SGSM1: variants seen among roughly 807,000 people sequenced by gnomAD.
SGSM1 encodes RUN and TBC1 domain containing 2.
SGSM1 carries 73 observed loss-of-function variants against 133.8 expected under a neutral mutation model. That is an observed-to-expected ratio of 0.55 (90% CI 0.45 to 0.66). SGSM1 has a LOEUF of 0.66. Among genes scored for constraint, SGSM1 ranks in the 30% least tolerant of loss-of-function variants. SGSM1 has a pLI of 0.00. For synonymous variants in SGSM1, 563 were observed against 573.0 expected, an observed-to-expected ratio of 0.98 and a Z score of 0.25; for missense variants, 1,213 against 1,448.1, an observed-to-expected ratio of 0.84 and a Z score of 2.64.
intron 24 of SGSM1, among the ~76,000 whole-genome samples, chr22:24,921,459 ATTTC>A (rs1934005850): frequency 6.6e-6 from 1 of 152,040 alleles, no homozygotes. Flanking sequence ...TTACTGAACC[ATTTC>A]TTATCATTAG....
chr22:24,874,587 C>T (rs1434119401), intron 12 of SGSM1: 4 of 1,584,498 alleles, frequency 2.5e-6, no homozygotes, highest in Non-Finnish European at 3.4e-6. Context: ...CCAGTAATGT[C>T]TGGGATCTCC....
chr22:24,917,973 C>T (rs1297195559), intron 23 of SGSM1, among the ~76,000 whole-genome samples: 5 of 152,172 alleles, frequency 3.3e-5, no homozygotes, highest in South Asian at 4.2e-4. Flanking sequence ...GTGAGGAAAC[C>T]GAGGCTGAGA....
At chr22:24,812,179 A>G (rs1161930909) in intron 2 of SGSM1, among the ~76,000 whole-genome samples, 2 of 150,830 alleles carry the variant, frequency 1.3e-5, no homozygotes, top group African/African-American at 4.9e-5. Flanking sequence ...CAAAAAAAGA[A>G]AAAAAAAAAG....
At chr22:24,870,308 C>T (rs1235720833) in intron 12 of SGSM1, among the ~76,000 whole-genome samples, 1 of 152,208 alleles carries the variant, frequency 6.6e-6, no homozygotes, top group Non-Finnish European at 1.5e-5. Context: ...GTTGAGCCAG[C>T]GTCTGTTCTG....
intron 16 of SGSM1, among the ~76,000 whole-genome samples, chr22:24,886,957 A>T (rs1932641488): frequency 6.6e-6 from 1 of 151,996 alleles, no homozygotes; most frequent in Admixed American, 6.6e-5. Context: ...TAAGAAATTA[A>T]TGTGGAGAAC....
At chr22:24,842,347 C>T (rs1929855503) in intron 2 of SGSM1, among the ~76,000 whole-genome samples, 1 of 152,222 alleles carries the variant, frequency 6.6e-6, no homozygotes, top group Non-Finnish European at 1.5e-5. Context: ...TACTCCACCT[C>T]TCTGGGCCTC....
rs1209032559 is a variant in SGSM1, at chr22:24,885,804, G to A, written c.1642-796G>A. Among the ~76,000 whole-genome samples, 10 of 152,056 alleles carry A rather than the reference G, an allele frequency of 6.6e-5. No homozygotes were observed. The East Asian group carries it at 1.9e-3, about 30-fold the overall frequency. On this transcript the variant is annotated intron_variant, in intron 15 of 24. Coordinates refer to ENST00000400358, the MANE Select transcript of SGSM1 (RefSeq NM_001098497.3). ...GTTGCGTACCCGTGTAGGGACGCAT[G>A]TTCACCCATTGATGCGCAGTTGGAG...
At chr22:24,904,480 T>G (rs1269891038) in intron 20 of SGSM1, among the ~76,000 whole-genome samples, 1 of 150,050 alleles carries the variant, frequency 6.7e-6, no homozygotes, top group Non-Finnish European at 1.5e-5. Context: ...CTCGGGAGGC[T>G]GAGGCAGGAG....
At chr22:24,861,312 A>G (rs1931138656) in intron 9 of SGSM1, among the ~76,000 whole-genome samples, 1 of 145,400 alleles carries the variant, frequency 6.9e-6, no homozygotes, top group Non-Finnish European at 1.5e-5. Context: ...AGATCGCGCC[A>G]CTGCACTCCA....
At position 24,898,743 on chromosome 22, in the gene SGSM1, G is replaced by A. The variant is rs1006444681; in HGVS notation, c.2610+184G>A. Among the ~76,000 whole-genome samples the A allele has an allele frequency of 5.3e-5, 8 of 152,152 alleles. No individual in the cohort carries two copies. In the East Asian group the frequency reaches 1.6e-3, roughly 29 times the overall value. ...AGAAGATAACGTAGCATTTAAAAAGGGGGGCTGGGCACTGTGGCTCACACC... is the reference window on the plus strand; with the variant it reads ...AGAAGATAACGTAGCATTTAAAAAGAGGGGCTGGGCACTGTGGCTCACACC... On this transcript the variant is annotated intron_variant, in intron 19 of 24. Coordinates refer to ENST00000400358, the MANE Select transcript of SGSM1 (RefSeq NM_001098497.3).
chr22:24,844,876 C>T, intron 2 of SGSM1, 21 bp from the exon 3 acceptor site: 1 of 1,612,938 alleles, frequency 6.2e-7, no homozygotes, highest in Non-Finnish European at 8.5e-7. Flanking sequence ...CTCTTCCCCT[C>T]CGGTCACCTT....
rs1437428974 is a variant in SGSM1 at position 24,884,114 on chromosome 22, C to T, written c.1557C>T (p.His519=). 3.7e-6 allele frequency: 6 copies of T among 1,613,868 alleles called. No homozygotes were observed. Among genetic ancestry groups the T allele is most frequent in the Non-Finnish European group, 2.5e-6 (3 of 1,179,856 alleles). ...VRTHLSALVN[H]MIVSPDLPCD... ...CCCACCTATCAGCCCTGGTCAATCACATGATCGTGTCTCCAGACTTGCCCT... is the reference window on the plus strand; with the variant it reads ...CCCACCTATCAGCCCTGGTCAATCATATGATCGTGTCTCCAGACTTGCCCT... Residue 519 remains histidine (H), a synonymous_variant, in exon 15 of 25, where the codon CAC becomes CAT. Transcript: ENST00000400358.
chr22:24,866,984 T>TA (rs1931492694), intron 9 of SGSM1, 109 bp from the exon 10 acceptor site: 4 of 993,460 alleles, frequency 4.0e-6, no homozygotes, highest in Non-Finnish European at 6.2e-6. Flanking sequence ...GCTGGGGACC[T>TA]AATGGGAAGG....
chr22:24,859,762 C>T lies in SGSM1; in HGVS notation c.848C>T (p.Thr283Met), dbSNP rs771440265. Residue 283 changes from threonine to methionine, a missense_variant, in exon 9 of 25, where the codon ACG becomes ATG. Physicochemically the swap from Thr to Met is moderately conservative, Grantham distance 81. Coordinates refer to ENST00000400358, the MANE Select transcript of SGSM1 (RefSeq NM_001098497.3). ...CCAGGGTACCTGTCCCTGCACCAGACGGCTGACGTCATGACCTTGAAGTGG... is the reference window on the plus strand; with the variant it reads ...CCAGGGTACCTGTCCCTGCACCAGATGGCTGACGTCATGACCTTGAAGTGG... ...AVPGYLSLHQ[T>M]ADVMTLKWTP... 27 of 1,613,826 alleles carry T rather than the reference C, an allele frequency of 1.7e-5. No homozygotes were observed. The highest frequency in any genetic ancestry group is 4.4e-5 in the South Asian group (4 of 91,084).
At chr22:24,811,914 G>C (rs79145561) in intron 2 of SGSM1, among the ~76,000 whole-genome samples, 1,703 of 150,330 alleles carry the variant, frequency 0.011, 30 homozygotes, top group African/African-American at 0.039. Context: ...GCTCATGCCT[G>C]TAACAGCACT....
Position 24,847,718 on chromosome 22 carries a change from T to C in SGSM1, c.224T>C (p.Met75Thr). The C allele has an allele frequency of 1.2e-6, 2 of 1,613,944 alleles. No homozygotes were observed. Residue 75 changes from methionine (M) to threonine (T), a missense_variant, in exon 4 of 25, where the codon ATG (methionine) becomes ACG (threonine). Physicochemically the swap from Met to Thr is moderately conservative, Grantham distance 81. Transcript: ENST00000400358. ...AGCAATAAGATTGCAGCCCTCTTTATGAAAGTGGGCAAGAACTTCCCGCCG... is the reference window on the plus strand; with the variant it reads ...AGCAATAAGATTGCAGCCCTCTTTACGAAAGTGGGCAAGAACTTCCCGCCG... ...LRSNKIAALF[M>T]KVGKNFPPAE...
intron 2 of SGSM1, among the ~76,000 whole-genome samples, chr22:24,827,075 C>T (rs566968569): frequency 4.6e-5 from 7 of 152,110 alleles, no homozygotes; most frequent in Non-Finnish European, 1.0e-4. Context: ...TATGACAGCT[C>T]CGCACCCTGG....
At chr22:24,907,391 A>T (rs1054896662) in intron 21 of SGSM1, among the ~76,000 whole-genome samples, 1 of 152,190 alleles carries the variant, frequency 6.6e-6, no homozygotes, top group African/African-American at 2.4e-5. Context: ...AATAAATTTT[A>T]AAAACCCAAA....
intron 24 of SGSM1, among the ~76,000 whole-genome samples, chr22:24,923,845 C>T (rs1033256368): frequency 2.0e-5 from 3 of 152,208 alleles, no homozygotes; most frequent in Non-Finnish European, 2.9e-5. Flanking sequence ...TGGTCTCAAA[C>T]TCCCGACCTC....
Sources: allele counts gnomAD v4.1 joint callset (sites outside exome capture counted in the v4.1 genomes callset), GRCh38; gene constraint gnomAD v4.1.1; transcripts MANE v1.5; gene names NCBI Gene and HGNC (gene_info 2026-07-23, HGNC 2026-07-21).